The following ABR variants were observed in gnomAD, a reference collection of about 807,000 sequenced individuals.
ABR encodes ABR activator of RhoGEF and GTPase, also known as active breakpoint cluster region-related protein.
In ABR, 35 loss-of-function variants were observed where a neutral mutation model predicts 107.2. That is an observed-to-expected ratio of 0.33 (90% confidence interval 0.25 to 0.43). The LOEUF (loss-of-function observed/expected upper bound fraction) is 0.43. Ranked by LOEUF, ABR falls within the 20% of genes least tolerant of loss-of-function variation. ABR has a pLI of 1.00. For missense variants in ABR, 815 were observed against 1,115.2 expected, an observed-to-expected ratio of 0.73 and a Z score of 3.83; for synonymous variants, 498 against 462.0, an observed-to-expected ratio of 1.08 and a Z score of -1.00.
intron 2 of ABR, among the ~76,000 whole-genome samples, chr17:1,110,701 G>A (rs2038624034): frequency 6.6e-6 from 1 of 152,234 alleles, no homozygotes. Context: ...CCTCCCTGGA[G>A]AGAGGCTCCA....
In ABR at chr17:1,011,746, C is replaced by G; in HGVS notation, c.2101+100G>C. On this transcript the variant is annotated intron_variant, in intron 19 of 22. Transcript: ENST00000302538. This position sits in a 1 kb window ranked among gnomAD's most constrained non-coding sequence, Gnocchi z 4.8. ...GGGACTCTGAAGCAGAGCAAGCCTC[C>G]TCTCCAGGGAGGCTCCTGGTTCCCC... 1 of 1,429,694 alleles carries G rather than the reference C, an allele frequency of 7.0e-7. No individual in the cohort carries two copies. The highest frequency in any genetic ancestry group is 9.3e-7 in the Non-Finnish European group (1 of 1,078,298). The allele number at this position is 1,429,694 out of a possible 1,614,324, so 88.6% of individuals were successfully genotyped here.
At chr17:1,091,196 G>A (rs1008771326) in intron 4 of ABR, among the ~76,000 whole-genome samples, 5 of 152,124 alleles carry the variant, frequency 3.3e-5, no homozygotes, top group African/African-American at 7.2e-5. Context: ...CCCCTAACCC[G>A]GCATGTGCCC....
chr17:1,073,224 G>A (rs977511297), intron 7 of ABR, among the ~76,000 whole-genome samples: 1 of 151,538 alleles, frequency 6.6e-6, no homozygotes, highest in African/African-American at 2.4e-5. Context: ...CACAGCAGGG[G>A]AGAGGGCCCT....
At chr17:1,220,072 A>G (rs945952794) in intron 1 of ABR, among the ~76,000 whole-genome samples, 5 of 147,844 alleles carry the variant, frequency 3.4e-5, no homozygotes, top group Admixed American at 1.4e-4. Context: ...CGGGCGGATC[A>G]CGAGGTCAGG....
chr17:1,166,555 C>A (rs1259542394), intron 1 of ABR, among the ~76,000 whole-genome samples: 1 of 152,186 alleles, frequency 6.6e-6, no homozygotes, highest in East Asian at 1.9e-4. Context: ...TGGACCCAGT[C>A]TCTGAGAAGG....
intron 4 of ABR, among the ~76,000 whole-genome samples, chr17:1,090,227 G>C (rs767713437): frequency 9.8e-5 from 15 of 152,312 alleles, no homozygotes; most frequent in South Asian, 2.1e-4. Flanking sequence ...CCAGTGTCAG[G>C]AGCACAGAGG....
chr17:1,226,707 GTGCA>G (rs1394364460), intron 1 of ABR, among the ~76,000 whole-genome samples: 3 of 47,662 alleles, frequency 6.3e-5, no homozygotes, highest in East Asian at 2.8e-4. Context: ...GTGTGTGTGT[GTGCA>G]TGCATGTATG....
chr17:1,130,311 C>A (rs2039772020), intron 1 of ABR, among the ~76,000 whole-genome samples: 2 of 152,108 alleles, frequency 1.3e-5, no homozygotes, highest in Admixed American at 6.6e-5. Context: ...ACGTAGGGAA[C>A]CTGGGAGCCA....
intron 1 of ABR, among the ~76,000 whole-genome samples, chr17:1,140,165 A>G (rs1423834045): frequency 1.3e-5 from 2 of 152,238 alleles, no homozygotes; most frequent in Non-Finnish European, 2.9e-5. Context: ...AAAGGTGACC[A>G]TGGTGGGAAC....
At chr17:1,065,825 A>G (rs2034673966) in intron 10 of ABR, among the ~76,000 whole-genome samples, 1 of 145,988 alleles carries the variant, frequency 6.8e-6, no homozygotes, top group Admixed American at 7.2e-5. Context: ...AGCTCAATGC[A>G]ACCTCTGCCT....
At position 1,021,661 on chromosome 17, in the gene ABR, A is replaced by G. The variant is rs573306922; in HGVS notation, c.1792-8497T>C. ...TCTACTAAAAATACAAAAATTAGCC[A>G]GGCGTGGTGGCGGGTGCCTGTAATC... On this transcript the variant is annotated intron_variant, in intron 16 of 22. Transcript: ENST00000302538. 5.0e-4 allele frequency among the ~76,000 whole-genome samples: 76 copies of G among 151,658 alleles called. No homozygotes were observed. In the East Asian group the frequency reaches 8.4e-3, roughly 17 times the overall value.
Position 1,179,787 on chromosome 17 carries a change from AGAGC to A in ABR, c.-64_-61del. Reference sequence around the variant, plus strand: ...ACCCTCATCGCGCAACAAAGGAGGGAGAGCGGGCGGGAGCCGGGGGAGGCCGAAG... The same window carrying A: ...ACCCTCATCGCGCAACAAAGGAGGGAGGGCGGGAGCCGGGGGAGGCCGAAG... On this transcript the variant is annotated 5_prime_UTR_variant, in exon 1 of 23. Transcript: ENST00000302538. The surrounding 1 kb of genome is among the most constrained non-coding windows in gnomAD (Gnocchi z 4.9). 16 of 298,830 alleles carry A rather than the reference AGAGC, an allele frequency of 5.4e-5. No homozygotes were observed. The highest frequency in any genetic ancestry group is 9.5e-5 in the Non-Finnish European group (14 of 147,194). 18.5% of individuals were successfully genotyped at this position (298,830 alleles called of 1,614,324 possible).
intron 16 of ABR, among the ~76,000 whole-genome samples, chr17:1,041,427 C>T (rs2030463199): frequency 6.6e-6 from 1 of 152,136 alleles, no homozygotes; most frequent in African/African-American, 2.4e-5. Flanking sequence ...GGAATAGTTA[C>T]CCCCACTGAA....
rs1597677325 is a variant in ABR at position 1,072,829 on chromosome 17, C to T, written c.754-75G>A. The T allele has an allele frequency of 4.6e-6, 7 of 1,528,344 alleles. No individual in the cohort carries two copies. In the East Asian group the frequency reaches 1.7e-4, roughly 37 times the overall value. 94.7% of individuals were successfully genotyped at this position (1,528,344 alleles called of 1,614,324 possible). On this transcript the variant is annotated intron_variant, in intron 7 of 22. Coordinates refer to ENST00000302538, the MANE Select transcript of ABR (RefSeq NM_021962.5). ...GTGTGGCCACCGGGGAGTGCTCAGT[C>T]CCCATCCAAAGGGTGGGCACTCAGG... is the stretch of plus-strand genomic sequence containing the variant.
intron 1 of ABR, among the ~76,000 whole-genome samples, chr17:1,224,338 C>A (rs527434300): frequency 6.6e-6 from 1 of 152,104 alleles, no homozygotes; most frequent in Non-Finnish European, 1.5e-5. Context: ...TGCTATCGTG[C>A]GCGGACAAAA....
Position 1,010,900 on chromosome 17 carries a change from G to C in ABR, c.2102-37C>G, listed in dbSNP as rs1032437180. 1 of 1,610,312 alleles carries C rather than the reference G, an allele frequency of 6.2e-7. No individual in the cohort carries two copies. Among genetic ancestry groups the C allele is most frequent in the Non-Finnish European group, 8.5e-7 (1 of 1,179,562 alleles). On this transcript the variant is annotated intron_variant, in intron 19 of 22. Coordinates refer to ENST00000302538, the MANE Select transcript of ABR (RefSeq NM_021962.5). This position sits in a 1 kb window ranked among gnomAD's most constrained non-coding sequence, Gnocchi z 4.1. ...GGGCCGAGGTCAGGCAGCCTTAGCT[G>C]GGCCAGCAGCCCCGTTCCACCCCCG... is the stretch of plus-strand genomic sequence containing the variant.
At chr17:1,182,652 C>T (rs2042172690), upstream of ABR, among the ~76,000 whole-genome samples, 1 of 152,182 alleles carries the variant, frequency 6.6e-6, no homozygotes, top group Non-Finnish European at 1.5e-5. Flanking sequence ...AGGCGTGAGC[C>T]ACCGCGCCCG....
intron 4 of ABR, among the ~76,000 whole-genome samples, chr17:1,088,044 C>T (rs944763949): frequency 1.4e-4 from 22 of 152,194 alleles, no homozygotes; most frequent in Non-Finnish European, 2.2e-4. Context: ...CCAGAGTCTT[C>T]GGCTGAAAAT....
At position 1,205,063 on chromosome 17, in the gene ABR, G is replaced by A. The variant is rs148783299; in HGVS notation, c.838+23730C>T. On this transcript the variant is annotated intron_variant, in intron 1 of 22. Transcript: ENST00000574139. ...GGATAACGGGTGCACCACCACGCCCGGCTAATTTTTGTATTTTTAGTAGAC... is the reference window on the plus strand; with the variant it reads ...GGATAACGGGTGCACCACCACGCCCAGCTAATTTTTGTATTTTTAGTAGAC... Among the ~76,000 whole-genome samples, 536 of 151,764 alleles carry A rather than the reference G, an allele frequency of 3.5e-3. 16 individuals carry two copies. In the East Asian group the frequency reaches 0.073, roughly 21 times the overall value.
Sources: allele counts gnomAD v4.1 joint callset (sites outside exome capture counted in the v4.1 genomes callset), GRCh38; gene constraint gnomAD v4.1.1; non-coding constraint Gnocchi (gnomAD v3.1); transcripts MANE v1.5; gene names NCBI Gene and HGNC (gene_info 2026-07-23, HGNC 2026-07-21).